BAIAP2L1: variants seen among roughly 807,000 people sequenced by gnomAD.
BAIAP2L1 encodes the protein BAR/IMD domain-containing adapter protein 2-like 1.
In BAIAP2L1, 35 loss-of-function variants were observed where a neutral mutation model predicts 66.3. The ratio of observed to expected loss-of-function variants is 0.53; its 90% CI spans 0.40 to 0.70. BAIAP2L1 has a LOEUF of 0.70. Ranked by LOEUF, BAIAP2L1 falls within the 30% of genes least tolerant of loss-of-function variation. BAIAP2L1 has a pLI of 0.00. For synonymous variants in BAIAP2L1, 269 were observed against 248.7 expected, an observed-to-expected ratio of 1.08 and a Z score of -0.77; for missense variants, 622 against 656.9, an observed-to-expected ratio of 0.95 and a Z score of 0.58.
Position 98,292,441 on chromosome 7 carries a change from TGGGA to T in BAIAP2L1, c.*1076_*1079del, listed in dbSNP as rs1800006197. ...CCCCTGCCTCGGCCTCACAAAATGC[TGGGA>T]TTCCCGTACCTGGGCCGGGCTGGGA... On this transcript the variant is annotated 3_prime_UTR_variant, in exon 14 of 14. Coordinates refer to ENST00000005260, the MANE Select transcript of BAIAP2L1 (RefSeq NM_018842.5). The T allele has an allele frequency of 3.4e-6, 2 of 587,520 alleles. No homozygotes were observed. The highest frequency in any genetic ancestry group is 6.0e-6 in the Non-Finnish European group (2 of 333,366). The allele number at this position is 587,520 out of a possible 1,614,324, so 36.4% of individuals were successfully genotyped here.
At chr7:98,392,917 C>T (rs1469097254) in intron 1 of BAIAP2L1, among the ~76,000 whole-genome samples, 1 of 150,834 alleles carries the variant, frequency 6.6e-6, no homozygotes, top group Non-Finnish European at 1.5e-5. Flanking sequence ...CTCAGCATCC[C>T]GAGTAGCTGG....
chr7:98,313,792 CTTTT>C (rs543402978), intron 7 of BAIAP2L1, among the ~76,000 whole-genome samples: 1 of 132,934 alleles, frequency 7.5e-6, no homozygotes, highest in African/African-American at 2.7e-5. Flanking sequence ...CTAATTAAAA[CTTTT>C]TTTTTTTTTT....
At chr7:98,330,239 G>A (rs1397340205) in intron 3 of BAIAP2L1, among the ~76,000 whole-genome samples, 1 of 152,200 alleles carries the variant, frequency 6.6e-6, no homozygotes. Flanking sequence ...CTAATATGCT[G>A]AGGGTTCTAC....
chr7:98,359,666 G>A (rs923011030), intron 2 of BAIAP2L1, among the ~76,000 whole-genome samples: 3 of 151,432 alleles, frequency 2.0e-5, no homozygotes, highest in African/African-American at 7.3e-5. Flanking sequence ...CCCTGTTCCA[G>A]GCCACACCAA....
chr7:98,341,189 G>T (rs1329053614), intron 3 of BAIAP2L1, among the ~76,000 whole-genome samples: 2 of 152,012 alleles, frequency 1.3e-5, no homozygotes, highest in Non-Finnish European at 2.9e-5. Context: ...AAAAAAGCTG[G>T]AATAATGATC....
chr7:98,314,813 G>C (rs7791321), intron 7 of BAIAP2L1, among the ~76,000 whole-genome samples: 57,628 of 152,088 alleles, frequency 0.38, 12,438 homozygotes, highest in Middle Eastern at 0.55. Flanking sequence ...AGCAGCCATG[G>C]TGAAGACACT....
At chr7:98,334,744 C>T (rs1238200615) in intron 3 of BAIAP2L1, among the ~76,000 whole-genome samples, 1 of 151,672 alleles carries the variant, frequency 6.6e-6, no homozygotes, top group Non-Finnish European at 1.5e-5. Context: ...TGTGGTTTCA[C>T]CATATTGGTC....
intron 3 of BAIAP2L1, among the ~76,000 whole-genome samples, chr7:98,336,522 A>G (rs769909443): frequency 2.6e-5 from 4 of 152,216 alleles, no homozygotes; most frequent in Admixed American, 2.6e-4. Context: ...AGGCTGAGGC[A>G]GGAGAATCGC....
chr7:98,376,885 G>A (rs940993860), intron 1 of BAIAP2L1, among the ~76,000 whole-genome samples: 3 of 152,048 alleles, frequency 2.0e-5, no homozygotes, highest in East Asian at 1.9e-4. Flanking sequence ...TAAACACAGC[G>A]TTGCTATGAA....
intron 9 of BAIAP2L1, 72 bp downstream of exon 9, chr7:98,310,373 A>G (rs1273156904): frequency 6.7e-7 from 1 of 1,501,494 alleles, no homozygotes; most frequent in Non-Finnish European, 9.0e-7. Context: ...TTTATACAAA[A>G]TATTTATTTC....
chr7:98,350,349 C>T (rs1801973311), intron 3 of BAIAP2L1, among the ~76,000 whole-genome samples: 1 of 150,300 alleles, frequency 6.7e-6, no homozygotes, highest in Non-Finnish European at 1.5e-5. Context: ...TATCCAAAGG[C>T]TTAAAAAAAA....
intron 1 of BAIAP2L1, among the ~76,000 whole-genome samples, chr7:98,397,245 C>T (rs80345511): frequency 1.1e-5 from 1 of 86,990 alleles, no homozygotes; most frequent in Admixed American, 1.3e-4. Flanking sequence ...CCCTTTGACT[C>T]TGTTAGCAAG....
At chr7:98,377,374 A>C (rs1211744696) in intron 1 of BAIAP2L1, among the ~76,000 whole-genome samples, 1 of 152,174 alleles carries the variant, frequency 6.6e-6, no homozygotes, top group Non-Finnish European at 1.5e-5. Context: ...CCATTTTGTT[A>C]GATACTCCCA....
At chr7:98,338,610 C>T (rs147457494) in intron 3 of BAIAP2L1, among the ~76,000 whole-genome samples, 4 of 152,248 alleles carry the variant, frequency 2.6e-5, no homozygotes, top group East Asian at 3.9e-4. Flanking sequence ...GCTTCTTTGA[C>T]GTGGCACATA....
intron 1 of BAIAP2L1, among the ~76,000 whole-genome samples, chr7:98,367,698 G>A (rs764982073): frequency 3.9e-5 from 6 of 152,012 alleles, no homozygotes; most frequent in Non-Finnish European, 7.4e-5. Context: ...ACCACGCCCG[G>A]CTAATTTTTT....
At chr7:98,364,569 G>C (rs1161069104) in intron 1 of BAIAP2L1, among the ~76,000 whole-genome samples, 1 of 151,894 alleles carries the variant, frequency 6.6e-6, no homozygotes, top group African/African-American at 2.4e-5. Flanking sequence ...AATGATCTAA[G>C]AACTAATGCG....
chr7:98,319,478 C>T (rs927089025), intron 5 of BAIAP2L1, among the ~76,000 whole-genome samples: 3 of 151,694 alleles, frequency 2.0e-5, no homozygotes, highest in East Asian at 3.9e-4. Context: ...TGTCCTACAG[C>T]GTGAATGTAT....
At chr7:98,384,844 G>C (rs1040722550) in intron 1 of BAIAP2L1, among the ~76,000 whole-genome samples, 1 of 151,908 alleles carries the variant, frequency 6.6e-6, no homozygotes, top group African/African-American at 2.4e-5. Context: ...GTTTACAGGT[G>C]CCCGCCACCA....
chr7:98,320,454 G>A (rs1163327118), intron 3 of BAIAP2L1, among the ~76,000 whole-genome samples, 156 bp from the exon 4 acceptor site: 1 of 152,172 alleles, frequency 6.6e-6, no homozygotes, highest in Non-Finnish European at 1.5e-5. Context: ...TCCTGCCTCA[G>A]CCTCCCAAAT....
Sources: gnomAD v4.1 joint callset for allele counts (sites outside exome capture counted in the v4.1 genomes callset) on GRCh38, gnomAD v4.1.1 for gene constraint, MANE v1.5 for transcripts, NCBI Gene and HGNC (gene_info 2026-07-23, HGNC 2026-07-21) for gene names.